Variants in TNIK observed in about 807,000 individuals in gnomAD.
TNIK encodes the protein TRAF2 and NCK interacting kinase.
In TNIK, 49 loss-of-function variants were observed where a neutral mutation model predicts 191.3. The observed-to-expected ratio is 0.26, with a 90% confidence interval of 0.20 to 0.32. The LOEUF is 0.32. Ranked by LOEUF, TNIK falls within the 10% of genes least tolerant of loss-of-function variation. The pLI is 1.00. For missense variants in TNIK, 1,155 were observed against 1,702.3 expected (o/e 0.68, Z 5.66); for synonymous variants, 594 against 600.9 (o/e 0.99, Z 0.17).
At chr3:171,298,330 AC>A (rs1256543082) in intron 2 of TNIK, among the ~76,000 whole-genome samples, 1 of 152,104 alleles carries the variant, frequency 6.6e-6, no homozygotes, top group Non-Finnish European at 1.5e-5. Context: ...AACAAATGGA[AC>A]TTTTTTTGCG....
At chr3:171,246,780 C>G (rs1745640258) in intron 2 of TNIK, among the ~76,000 whole-genome samples, 1 of 152,204 alleles carries the variant, frequency 6.6e-6, no homozygotes, top group African/African-American at 2.4e-5. Flanking sequence ...TGACTTCAGT[C>G]TAGGACATAC....
Position 171,400,099 on chromosome 3 carries a change from C to G in TNIK, c.58-30414G>C, listed in dbSNP as rs549113574. The stretch of plus-strand genomic sequence containing the variant: ...ATCTGCCCTAGACTCAGAGTGGACC[C>G]GGGACCTGATGGGTTTTCTTAAATT... On this transcript the variant is annotated intron_variant, in intron 1 of 32. Coordinates refer to ENST00000436636, the MANE Select transcript of TNIK (RefSeq NM_015028.4). Among the ~76,000 whole-genome samples the G allele has an allele frequency of 3.7e-4, 56 of 152,256 alleles. 1 individual carries two copies. The highest frequency in any genetic ancestry group is 1.3e-3 in the African/African-American group (53 of 41,540).
chr3:171,401,394 A>G lies in TNIK; in HGVS notation c.58-31709T>C, dbSNP rs113235435. ...GGCTGAGTTATTTCTAAAAGCTCCCAGGTAATTAAGATGCACAATGCTGTC... is the reference window on the plus strand; with the variant it reads ...GGCTGAGTTATTTCTAAAAGCTCCCGGGTAATTAAGATGCACAATGCTGTC... On this transcript the variant is annotated intron_variant, in intron 1 of 32. Transcript: ENST00000436636. 1.3e-3 allele frequency among the ~76,000 whole-genome samples: 203 copies of G among 152,258 alleles called. 1 individual carries two copies. Among genetic ancestry groups the G allele is most frequent in the African/African-American group, 4.6e-3 (193 of 41,554 alleles).
chr3:171,407,568 G>C (rs1439416655), intron 1 of TNIK, among the ~76,000 whole-genome samples: 2 of 152,166 alleles, frequency 1.3e-5, no homozygotes, highest in African/African-American at 4.8e-5. Context: ...AGACAGACAG[G>C]AGGGGCCACT....
At chr3:171,355,827 C>T (rs931498) in intron 2 of TNIK, among the ~76,000 whole-genome samples, 43,966 of 152,024 alleles carry the variant, frequency 0.29, 6,578 homozygotes, top group South Asian at 0.45. Context: ...GCCAGGTCAT[C>T]CTCCTCTACA....
At chr3:171,294,721 C>CAAT (rs969776310) in intron 2 of TNIK, among the ~76,000 whole-genome samples, 82 of 151,362 alleles carry the variant, frequency 5.4e-4, no homozygotes, top group South Asian at 4.6e-3. Context: ...AACTCCATCT[C>CAAT]AATAATAATA....
At chr3:171,173,413 A>G (rs1278225533) in intron 9 of TNIK, among the ~76,000 whole-genome samples, 1 of 151,314 alleles carries the variant, frequency 6.6e-6, no homozygotes, top group Non-Finnish European at 1.5e-5. Flanking sequence ...AAAAAAAAGA[A>G]AAGAAAAGAA....
At chr3:171,354,592 A>T (rs1713740887) in intron 2 of TNIK, among the ~76,000 whole-genome samples, 1 of 152,154 alleles carries the variant, frequency 6.6e-6, no homozygotes, top group Admixed American at 6.6e-5. Flanking sequence ...AATCCCAATT[A>T]ATCTCCAGAG....
At chr3:171,128,583 C>G in intron 16 of TNIK, 131 bp downstream of exon 16, 3 of 1,152,168 alleles carry the variant, frequency 2.6e-6, no homozygotes, top group Non-Finnish European at 2.3e-6. Flanking sequence ...ACCTATTTTA[C>G]TATAAATTCT....
At chr3:171,248,002 A>G (rs79866584) in intron 2 of TNIK, among the ~76,000 whole-genome samples, 11,921 of 152,226 alleles carry the variant, frequency 0.078, 681 homozygotes, top group African/African-American at 0.16. Context: ...CTGGGAGGAA[A>G]GGGGCAATTC....
In TNIK at chr3:171,209,363, T is replaced by C. The variant is rs144023112; in HGVS notation, c.306+1753A>G. 3.5e-3 allele frequency among the ~76,000 whole-genome samples: 537 copies of C among 152,246 alleles called. 3 individuals are homozygous for C. The highest frequency in any genetic ancestry group is 0.012 in the African/African-American group (495 of 41,542). On this transcript the variant is annotated intron_variant, in intron 4 of 32. Transcript: ENST00000436636. ...AGTAATTTCATGTTTTTCCTATTGA[T>C]TTATAAAAATGCTTCATCTCTGAAG...
chr3:171,458,281 A>G (rs1393504603), intron 1 of TNIK, among the ~76,000 whole-genome samples: 2 of 151,992 alleles, frequency 1.3e-5, no homozygotes, highest in East Asian at 3.9e-4. Flanking sequence ...CAGTCGGTAA[A>G]GCAGGAAGCC....
chr3:171,255,920 T>C (rs1053615092), intron 2 of TNIK, among the ~76,000 whole-genome samples: 1 of 152,174 alleles, frequency 6.6e-6, no homozygotes, highest in African/African-American at 2.4e-5. Flanking sequence ...ATTGTGGGTA[T>C]GGCTTAGTGG....
intron 2 of TNIK, among the ~76,000 whole-genome samples, chr3:171,322,583 G>GGAATGAT (rs1179034412): frequency 5.9e-5 from 9 of 152,074 alleles, no homozygotes; most frequent in African/African-American, 2.2e-4. Context: ...ATTCCAAATT[G>GGAATGAT]CTATGAAAAT....
At chr3:171,301,319 T>C (rs1752855982) in intron 2 of TNIK, among the ~76,000 whole-genome samples, 1 of 151,312 alleles carries the variant, frequency 6.6e-6, no homozygotes, top group African/African-American at 2.4e-5. Context: ...CTGGACTTTT[T>C]TTTTTTTTTT....
intron 2 of TNIK, among the ~76,000 whole-genome samples, chr3:171,256,381 C>T (rs948705934): frequency 3.3e-5 from 5 of 152,094 alleles, no homozygotes; most frequent in Admixed American, 6.6e-5. Context: ...GTGGTACAGT[C>T]GAGGGAGGCA....
chr3:171,153,112 C>G (rs1447908793), intron 12 of TNIK, among the ~76,000 whole-genome samples: 1 of 152,040 alleles, frequency 6.6e-6, no homozygotes, highest in Non-Finnish European at 1.5e-5. Flanking sequence ...CATTTGAAAC[C>G]AAAAGATGCT....
At chr3:171,074,141 TAAAG>T (rs1304908607) in intron 28 of TNIK, among the ~76,000 whole-genome samples, 1 of 151,744 alleles carries the variant, frequency 6.6e-6, no homozygotes, top group East Asian at 1.9e-4. Context: ...GTTGATTAGA[TAAAG>T]AAACTGTTGT....
chr3:171,213,903 G>A (rs571680210), intron 3 of TNIK, among the ~76,000 whole-genome samples: 6 of 152,058 alleles, frequency 3.9e-5, no homozygotes, highest in South Asian at 4.2e-4. Flanking sequence ...CTTAGATAAC[G>A]GATGTATGTT....
Sources: gnomAD v4.1 joint callset for allele counts (sites outside exome capture counted in the v4.1 genomes callset) on GRCh38, gnomAD v4.1.1 for gene constraint, MANE v1.5 for transcripts, NCBI Gene and HGNC (gene_info 2026-07-23, HGNC 2026-07-21) for gene names.